Variants in SCN10A observed in about 807,000 individuals in gnomAD.
The protein encoded by SCN10A is sodium channel protein type 10 subunit alpha.
In SCN10A, 162 loss-of-function variants were observed where a neutral mutation model predicts 170.7. That is an observed-to-expected ratio of 0.95 (90% CI 0.84 to 1.08). The LOEUF (loss-of-function observed/expected upper bound fraction) is 1.08. Ranked by LOEUF, SCN10A falls within the 50% of genes least tolerant of loss-of-function variation. The pLI is 0.00. For synonymous variants in SCN10A, 985 were observed against 904.6 expected, an observed-to-expected ratio of 1.09 and a Z score of -1.59; for missense variants, 2,527 against 2,436.9, an observed-to-expected ratio of 1.04 and a Z score of -0.78.
chr3:38,718,631 G>A (rs1184140120), intron 21 of SCN10A, 22 bp downstream of exon 21: 10 of 1,612,978 alleles, frequency 6.2e-6, no homozygotes, highest in African/African-American at 1.3e-5. Context: ...CAAACCCCAC[G>A]TGTTCCCACT....
At chr3:38,802,456 T>A (rs1343756154) in intron 1 of SCN10A, among the ~76,000 whole-genome samples, 1 of 152,192 alleles carries the variant, frequency 6.6e-6, no homozygotes, top group African/African-American at 2.4e-5. Flanking sequence ...ATATACTGTT[T>A]CCTTAGCCTT....
In SCN10A at chr3:38,726,720, C is replaced by T. The variant is rs201397469; in HGVS notation, c.2973G>A (p.Pro991=). Residue 991 remains proline (P), a synonymous_variant, in exon 17 of 28, where the codon CCG becomes CCA. Transcript: ENST00000449082. Reference sequence around the variant, plus strand: ...CAATGGGCACAGAGACCCACACAGTCGGATTAGCGATGAAGTCACTGTGCT... The same window carrying T: ...CAATGGGCACAGAGACCCACACAGTTGGATTAGCGATGAAGTCACTGTGCT... The part of the protein sequence containing the change: ...RDEHSDFIAN[P]TVWVSVPIAE... The T allele has an allele frequency of 4.3e-5, 69 of 1,612,928 alleles. No individual in the cohort carries two copies. The highest frequency in any genetic ancestry group is 4.7e-5 in the Non-Finnish European group (56 of 1,178,970).
At chr3:38,762,103 C>T (rs1447050355) in intron 6 of SCN10A, among the ~76,000 whole-genome samples, 1 of 152,180 alleles carries the variant, frequency 6.6e-6, no homozygotes, top group Non-Finnish European at 1.5e-5. Context: ...TAAGTAAAAT[C>T]AACTTCTTTG....
intron 6 of SCN10A, among the ~76,000 whole-genome samples, chr3:38,762,127 G>A (rs7430438): frequency 0.55 from 83,482 of 151,972 alleles, 23,100 homozygotes; most frequent in African/African-American, 0.59. Flanking sequence ...GAGCAGCTTC[G>A]CAGGTAGCAG....
chr3:38,774,573 G>A (rs868661931), intron 4 of SCN10A, among the ~76,000 whole-genome samples: 1 of 152,150 alleles, frequency 6.6e-6, no homozygotes, highest in South Asian at 2.1e-4. Flanking sequence ...GTTCTCAGCC[G>A]TTGAGCCACT....
chr3:38,755,545 CCA>C (rs1258023318), intron 11 of SCN10A, among the ~76,000 whole-genome samples: 1 of 152,140 alleles, frequency 6.6e-6, no homozygotes, highest in Non-Finnish European at 1.5e-5. Flanking sequence ...TTTCCTTTTT[CCA>C]CAGTCCACAA....
chr3:38,805,493 TC>T (rs2064399720), intron 1 of SCN10A, among the ~76,000 whole-genome samples: 1 of 152,138 alleles, frequency 6.6e-6, no homozygotes. Flanking sequence ...GAAGATTGTC[TC>T]CAAGATGTAA....
intron 21 of SCN10A, 100 bp from the exon 22 acceptor site, chr3:38,714,180 C>A: frequency 7.0e-7 from 1 of 1,431,768 alleles, no homozygotes; most frequent in Non-Finnish European, 9.6e-7. Context: ...CATTCCTACA[C>A]GTCTAAGCCA....
chr3:38,808,283 T>C (rs147252996), intron 1 of SCN10A, among the ~76,000 whole-genome samples: 6 of 152,256 alleles, frequency 3.9e-5, no homozygotes, highest in African/African-American at 1.2e-4. Flanking sequence ...TGTCCTTCTT[T>C]CCCCTGGGTG....
chr3:38,788,882 G>C, intron 4 of SCN10A, 74 bp downstream of exon 4: 1 of 913,276 alleles, frequency 1.1e-6, no homozygotes, highest in East Asian at 2.5e-5. Context: ...ATAAATAAAA[G>C]ACAAAGACTG....
intron 4 of SCN10A, among the ~76,000 whole-genome samples, chr3:38,775,370 C>T (rs1248613370): frequency 6.6e-6 from 1 of 152,158 alleles, no homozygotes; most frequent in African/African-American, 2.4e-5. Context: ...TTACTTAGCA[C>T]AATGCTTTGT....
At chr3:38,744,253 G>A (rs1419976174) in intron 13 of SCN10A, among the ~76,000 whole-genome samples, 1 of 152,140 alleles carries the variant, frequency 6.6e-6, no homozygotes, top group Non-Finnish European at 1.5e-5. Flanking sequence ...AGTCTGGGGA[G>A]CAGGAAGGGT....
intron 24 of SCN10A, among the ~76,000 whole-genome samples, chr3:38,710,334 C>A (rs2063259881): frequency 6.6e-6 from 1 of 151,998 alleles, no homozygotes; most frequent in Non-Finnish European, 1.5e-5. Flanking sequence ...TAATTTCTTT[C>A]ATATTTTAGT....
Position 38,728,430 on chromosome 3 carries a change from A to G in SCN10A, c.2640+112T>C, listed in dbSNP as rs993121042. Reference sequence around the variant, plus strand: ...ATTTGAAAAGTTTGAAGACTTTTCAACCAGAGAAGTACAATCTGGGCATAA... The same window carrying G: ...ATTTGAAAAGTTTGAAGACTTTTCAGCCAGAGAAGTACAATCTGGGCATAA... On this transcript the variant is annotated intron_variant, in intron 16 of 27. Coordinates refer to ENST00000449082, the MANE Select transcript of SCN10A (RefSeq NM_006514.4). 5.7e-6 allele frequency: 7 copies of G among 1,223,094 alleles called. No individual in the cohort carries two copies. In the Admixed American group the frequency reaches 7.5e-5, roughly 13 times the overall value. 75.8% of individuals were successfully genotyped at this position (1,223,094 alleles called of 1,614,324 possible). A position where few individuals can be genotyped will look rare whatever the true frequency, so the allele number is the denominator to read the frequency against.
At chr3:38,769,523 G>T (rs1220232203) in intron 5 of SCN10A, among the ~76,000 whole-genome samples, 1 of 152,112 alleles carries the variant, frequency 6.6e-6, no homozygotes, top group African/African-American at 2.4e-5. Context: ...TTACAGGCGT[G>T]AGCTACTGTG....
At chr3:38,761,412 C>G (rs1195077544) in intron 6 of SCN10A, 29 bp from the exon 7 acceptor site, 3 of 1,592,980 alleles carry the variant, frequency 1.9e-6, no homozygotes, top group Non-Finnish European at 2.6e-6. Flanking sequence ...GGTATGACCA[C>G]ATGGATGAGG....
chr3:38,763,277 T>C (rs2063895752), intron 6 of SCN10A, among the ~76,000 whole-genome samples: 1 of 152,142 alleles, frequency 6.6e-6, no homozygotes, highest in Non-Finnish European at 1.5e-5. Flanking sequence ...ATGTGGTATG[T>C]GGGAAGAGCA....
intron 10 of SCN10A, 151 bp downstream of exon 10, chr3:38,756,523 T>C (rs2063806635): frequency 1.4e-6 from 1 of 698,900 alleles, no homozygotes; most frequent in Non-Finnish European, 2.5e-6. Flanking sequence ...GCTTCTTCTT[T>C]GAGAAAACCT....
At chr3:38,798,278 A>G (rs1431268574) in intron 1 of SCN10A, among the ~76,000 whole-genome samples, 1 of 152,086 alleles carries the variant, frequency 6.6e-6, no homozygotes, top group Non-Finnish European at 1.5e-5. Flanking sequence ...CCTGTCCCTT[A>G]TTGGTTGACG....
Sources: gnomAD v4.1 joint callset for allele counts (sites outside exome capture counted in the v4.1 genomes callset) on GRCh38, gnomAD v4.1.1 for gene constraint, MANE v1.5 for transcripts, NCBI Gene and HGNC (gene_info 2026-07-23, HGNC 2026-07-21) for gene names.